COPG2: variants seen among roughly 807,000 people sequenced by gnomAD.
The protein encoded by COPG2 is coatomer subunit gamma-2.
In COPG2, 37 loss-of-function variants were observed where a neutral mutation model predicts 46.3. That is an observed-to-expected ratio of 0.80 (90% CI 0.61 to 1.05). The LOEUF is 1.05. COPG2 is among the 50% of genes least tolerant of loss of function. The pLI is 0.00. For missense variants in COPG2, 427 were observed against 387.8 expected (o/e 1.10, Z -0.85); for synonymous variants, 159 against 129.7 (o/e 1.23, Z -1.53).
chr7:130,632,591 T>C (rs1795252657), intron 5 of COPG2, among the ~76,000 whole-genome samples: 1 of 152,168 alleles, frequency 6.6e-6, no homozygotes, highest in African/African-American at 2.4e-5. Flanking sequence ...GTTAGGCCCT[T>C]TGATACAGTC....
intron 9 of COPG2, among the ~76,000 whole-genome samples, chr7:130,607,214 C>A (rs1794749766): frequency 6.6e-6 from 1 of 151,178 alleles, no homozygotes. Flanking sequence ...GCAGTCCAGG[C>A]TTCACAACAG....
chr7:130,622,443 A>C (rs1795055963), intron 5 of COPG2, among the ~76,000 whole-genome samples: 1 of 152,236 alleles, frequency 6.6e-6, no homozygotes, highest in South Asian at 2.1e-4. Context: ...CTGGAATCAC[A>C]GATAAGGCCT....
At chr7:130,604,448 T>C (rs935772396) in intron 9 of COPG2, among the ~76,000 whole-genome samples, 1 of 152,234 alleles carries the variant, frequency 6.6e-6, no homozygotes, top group Non-Finnish European at 1.5e-5. Flanking sequence ...TTCAATATAA[T>C]TATAAATTGT....
intron 9 of COPG2, among the ~76,000 whole-genome samples, chr7:130,584,710 T>A (rs375515584): frequency 6.6e-6 from 1 of 151,766 alleles, no homozygotes; most frequent in Admixed American, 6.6e-5. Context: ...CCTTTTACAA[T>A]AGCTGCAAAA....
At chr7:130,660,994 T>C (rs1795966587) in intron 4 of COPG2, among the ~76,000 whole-genome samples, 1 of 152,200 alleles carries the variant, frequency 6.6e-6, no homozygotes. Flanking sequence ...CAATCCTGAT[T>C]AAATCCTATC....
At chr7:130,661,034 CTGTAGCTGGAGAAAAACATTCACCA>C (rs1426314760) in intron 4 of COPG2, among the ~76,000 whole-genome samples, 5 of 152,210 alleles carry the variant, frequency 3.3e-5, no homozygotes, top group Non-Finnish European at 7.3e-5. Context: ...AACCTGCAGG[CTGTAGCTGGAGAAAAACATTCACCA>C]TGTAGCTGGA....
chr7:130,534,413 A>T (rs967770739), intron 20 of COPG2, among the ~76,000 whole-genome samples: 22 of 152,104 alleles, frequency 1.4e-4, no homozygotes, highest in Non-Finnish European at 3.1e-4. Context: ...TAATCACTTA[A>T]TCCTTGGTTT....
intron 20 of COPG2, among the ~76,000 whole-genome samples, chr7:130,513,302 AAAAAAAATATATATATAT>A (rs1210100759): frequency 7.1e-4 from 27 of 38,272 alleles, no homozygotes; most frequent in African/African-American, 2.6e-3. Context: ...AAAAAAAAAA[AAAAAAAATATATATATAT>A]ATATATATAT....
intron 20 of COPG2, among the ~76,000 whole-genome samples, chr7:130,511,212 CAAAGT>C (rs1799589994): frequency 1.3e-5 from 2 of 151,834 alleles, no homozygotes; most frequent in South Asian, 4.2e-4. Flanking sequence ...GAGACCATGA[CAAAGT>C]AAGAGACACT....
intron 4 of COPG2, among the ~76,000 whole-genome samples, chr7:130,658,294 C>A (rs1795896472): frequency 6.6e-6 from 1 of 152,088 alleles, no homozygotes; most frequent in Non-Finnish European, 1.5e-5. Flanking sequence ...TCAAAAAAGG[C>A]TTCATACAGT....
rs1795177654 is a variant in COPG2 at position 130,629,200 on chromosome 7, A to T, written c.324-12135T>A. 2.0e-5 allele frequency among the ~76,000 whole-genome samples: 3 copies of T among 152,092 alleles called. No homozygotes were observed. In the South Asian group the frequency reaches 6.2e-4, roughly 32 times the overall value. On this transcript the variant is annotated intron_variant, in intron 5 of 23. Transcript: ENST00000425248. ...GTCCTTTTTTGGGGGGGGTACCTTT[A>T]AAATTTTCTATTTAAATTTTCTTTT... is the stretch of plus-strand genomic sequence containing the variant.
At chr7:130,643,187 C>T (rs1355584196) in intron 5 of COPG2, among the ~76,000 whole-genome samples, 1 of 151,420 alleles carries the variant, frequency 6.6e-6, no homozygotes, top group Admixed American at 6.6e-5. Flanking sequence ...CCCAGCTACT[C>T]GGGAGGCTGA....
chr7:130,632,528 T>G (rs1253595178), intron 5 of COPG2, among the ~76,000 whole-genome samples: 1 of 152,204 alleles, frequency 6.6e-6, no homozygotes, highest in African/African-American at 2.4e-5. Flanking sequence ...CTCAAATTTT[T>G]TTTTCGCACC....
At chr7:130,542,979 A>C (rs1793363798) in intron 20 of COPG2, among the ~76,000 whole-genome samples, 1 of 152,210 alleles carries the variant, frequency 6.6e-6, no homozygotes, top group South Asian at 2.1e-4. Flanking sequence ...CCTAGACGAC[A>C]AGCGAGTGGG....
intron 20 of COPG2, among the ~76,000 whole-genome samples, chr7:130,540,071 G>C (rs1431558876): frequency 3.3e-5 from 5 of 152,114 alleles, no homozygotes; most frequent in African/African-American, 1.2e-4. Flanking sequence ...GATGGGATTT[G>C]GGTTGGGACT....
intron 6 of COPG2, 57 bp downstream of exon 6, chr7:130,616,933 C>A: frequency 9.3e-7 from 1 of 1,078,082 alleles, no homozygotes; most frequent in South Asian, 1.5e-5. Context: ...ATCTACATGG[C>A]CACCTGCAGA....
rs782062782 is a variant in COPG2, at chr7:130,652,857, C to T, written c.323+12G>A. 9 of 1,556,602 alleles carry T rather than the reference C, an allele frequency of 5.8e-6. No homozygotes were observed. In the South Asian group the frequency reaches 8.1e-5, roughly 14 times the overall value. On this transcript the variant is annotated intron_variant, in intron 5 of 23. Coordinates refer to ENST00000425248, the MANE Select transcript of COPG2 (RefSeq NM_012133.6). ...ATAAGTATCTCATCCTAGATTTTGA[C>T]CATTTACATACCTGCTTGTGACAAT...
At chr7:130,529,265 T>A (rs1183476093) in intron 20 of COPG2, among the ~76,000 whole-genome samples, 6 of 151,986 alleles carry the variant, frequency 3.9e-5, no homozygotes, top group Admixed American at 3.9e-4. Flanking sequence ...GTCATTGACT[T>A]AGAAAGTGGC....
chr7:130,604,700 A>G, intron 9 of COPG2: 1 of 516,316 alleles, frequency 1.9e-6, no homozygotes, highest in Non-Finnish European at 3.9e-6. Flanking sequence ...TTCTAGCAAA[A>G]TACTATTTAA....
Sources: allele counts gnomAD v4.1 joint callset (sites outside exome capture counted in the v4.1 genomes callset), GRCh38; gene constraint gnomAD v4.1.1; transcripts MANE v1.5; gene names NCBI Gene and HGNC (gene_info 2026-07-23, HGNC 2026-07-21).